Variants in PCDHGC5 observed in about 807,000 individuals in gnomAD.
PCDHGC5 encodes protocadherin gamma subfamily C, 5.
Under a neutral mutation model 59.0 loss-of-function variants are expected in PCDHGC5, and 25 were observed. The ratio of observed to expected loss-of-function variants is 0.42; its 90% CI spans 0.31 to 0.59. The LOEUF (loss-of-function observed/expected upper bound fraction) is 0.59, where lower values mean the gene tolerates loss of function less well. Ranked by LOEUF, PCDHGC5 falls within the 20% of genes least tolerant of loss-of-function variation. The pLI is 0.13. For missense variants in PCDHGC5, 1,067 were observed against 1,206.4 expected, an observed-to-expected ratio of 0.88 and a Z score of 1.71; for synonymous variants, 434 against 505.5, an observed-to-expected ratio of 0.86 and a Z score of 1.90.
chr5:141,501,970 T>C (rs2099812082), intron 2 of PCDHGC5, among the ~76,000 whole-genome samples: 1 of 152,068 alleles, frequency 6.6e-6, no homozygotes. Flanking sequence ...TCCTAACCTC[T>C]GGCATCTGGT....
At position 141,512,630 on chromosome 5, in the gene PCDHGC5, G is replaced by C. The variant is rs1335322474; in HGVS notation, c.*1457G>C. On this transcript the variant is annotated 3_prime_UTR_variant, in exon 4 of 4. Transcript: ENST00000252087. ...GGGGCTGCCAGAGAACCCCAGACCT[G>C]CCCTTACAGTAGTGTAGCGCCCCCT... The C allele has an allele frequency of 6.5e-6, 1 of 152,888 alleles. No individual in the cohort carries two copies. Among genetic ancestry groups the C allele is most frequent in the Non-Finnish European group, 1.5e-5 (1 of 68,576 alleles). 9.5% of individuals were successfully genotyped at this position (152,888 alleles called of 1,614,324 possible).
In PCDHGC5 at chr5:141,490,390, G is replaced by C. The variant is rs2099699651; in HGVS notation, c.1150G>C (p.Glu384Gln). The C allele has an allele frequency of 6.2e-7, 1 of 1,614,074 alleles. No individual in the cohort carries two copies. The highest frequency in any genetic ancestry group is 8.5e-7 in the Non-Finnish European group (1 of 1,180,040). Residue 384 changes from glutamate (E) to glutamine (Q), a missense_variant, in exon 1 of 4, where the codon GAA becomes CAA. Physicochemically the swap from Glu to Gln is conservative, Grantham distance 29. Coordinates refer to ENST00000252087, the MANE Select transcript of PCDHGC5 (RefSeq NM_018929.3). This position sits in a 1 kb window ranked among gnomAD's most constrained non-coding sequence, Gnocchi z 5.4. ...VRDRDSGRNGEVSLDISPDLP... is the reference protein window; with the variant it reads ...VRDRDSGRNGQVSLDISPDLP... ...AGACCGGGACTCAGGTAGAAATGGT[G>C]AAGTGAGCCTTGATATCTCTCCGGA... is the stretch of plus-strand genomic sequence containing the variant.
Position 141,491,670 on chromosome 5 carries a change from C to T in PCDHGC5, c.2430C>T (p.Ser810=). The T allele has an allele frequency of 2.5e-6, 4 of 1,613,768 alleles. No individual in the cohort carries two copies. Among genetic ancestry groups the T allele is most frequent in the South Asian group, 1.1e-5 (1 of 91,082 alleles). Residue 810 remains serine (S), a synonymous_variant, in exon 1 of 4, where the codon TCC becomes TCT. Coordinates refer to ENST00000252087, the MANE Select transcript of PCDHGC5 (RefSeq NM_018929.3). The surrounding 1 kb of genome is among the most constrained non-coding windows in gnomAD (Gnocchi z 6.9). ...CGCTGGAGCCTGACGCCATCCGGTC[C>T]CGCTCTAATACGCTGCGGGAGCGGA... The part of the protein sequence containing the change: ...ALALEPDAIR[S]RSNTLRERSQ...
At position 141,490,938 on chromosome 5, in the gene PCDHGC5, C is replaced by T. The variant is rs2099706179; in HGVS notation, c.1698C>T (p.His566=). ...ATGATAATGCCCCAGCTGTGCTGCA[C>T]CCACGGCCAGACTGGGAACACTCAG... ...DENDNAPAVL[H]PRPDWEHSAP... The change falls in exon 1 of 4, where the codon CAC becomes CAT. Residue 566 remains histidine (H), a synonymous_variant. Coordinates refer to ENST00000252087, the MANE Select transcript of PCDHGC5 (RefSeq NM_018929.3). This position sits in a 1 kb window ranked among gnomAD's most constrained non-coding sequence, Gnocchi z 5.4. 6.2e-7 allele frequency: 1 copy of T among 1,613,554 alleles called. No homozygotes were observed. Among genetic ancestry groups the T allele is most frequent in the African/African-American group, 1.3e-5 (1 of 74,934 alleles).
At position 141,491,413 on chromosome 5, in the gene PCDHGC5, G is replaced by A. The variant is rs1193417991; in HGVS notation, c.2173G>A (p.Gly725Arg). 5.6e-6 allele frequency: 9 copies of A among 1,613,946 alleles called. No individual in the cohort carries two copies. Among genetic ancestry groups the A allele is most frequent in the Non-Finnish European group, 7.6e-6 (9 of 1,179,986 alleles). Residue 725 changes from glycine to arginine, a missense_variant, in exon 1 of 4, where the codon GGG becomes AGG. By Grantham distance (125) the Gly-to-Arg change is moderately radical. Transcript: ENST00000252087. The surrounding 1 kb of genome is among the most constrained non-coding windows in gnomAD (Gnocchi z 6.9). Reference sequence around the variant, plus strand: ...CCTTCAGGGAAACGCAGACGGGGACGGGGGTGGAGGGCAGTGCTGCAGGCG... The same window carrying A: ...CCTTCAGGGAAACGCAGACGGGGACAGGGGTGGAGGGCAGTGCTGCAGGCG... ...KCLQGNADGD[G>R]GGGQCCRRQD...
intron 1 of PCDHGC5, among the ~76,000 whole-genome samples, chr5:141,492,108 C>T (rs1331001233): frequency 2.6e-5 from 4 of 152,232 alleles, no homozygotes; most frequent in African/African-American, 9.6e-5. Flanking sequence ...TAGATTTCCT[C>T]TTCGATTTCT....
chr5:141,492,557 G>A (rs2154587614), intron 1 of PCDHGC5, among the ~76,000 whole-genome samples: 1 of 152,350 alleles, frequency 6.6e-6, no homozygotes, highest in East Asian at 1.9e-4. Flanking sequence ...TCGCCTGGGG[G>A]GCGGCCTGAG....
At chr5:141,508,535 C>CA (rs1426956469) in intron 3 of PCDHGC5, among the ~76,000 whole-genome samples, 1 of 152,172 alleles carries the variant, frequency 6.6e-6, no homozygotes, top group Admixed American at 6.5e-5. Flanking sequence ...GGGCACCCCC[C>CA]ACGAGGTGGG....
At chr5:141,497,742 T>C (rs2099779149) in intron 2 of PCDHGC5, among the ~76,000 whole-genome samples, 1 of 152,128 alleles carries the variant, frequency 6.6e-6, no homozygotes, top group South Asian at 2.1e-4. Context: ...TTTCGCCACG[T>C]TGGCCAGGCT....
chr5:141,506,372 C>A (rs1243713695), intron 3 of PCDHGC5, among the ~76,000 whole-genome samples: 1 of 151,402 alleles, frequency 6.6e-6, no homozygotes, highest in Non-Finnish European at 1.5e-5. Context: ...TCGCTTGAAC[C>A]TGGGAGGTGG....
At position 141,490,979 on chromosome 5, in the gene PCDHGC5, C is replaced by T. The variant is rs1217345302; in HGVS notation, c.1739C>T (p.Pro580Leu). 6.2e-7 allele frequency: 1 copy of T among 1,614,086 alleles called. No individual in the cohort carries two copies. The highest frequency in any genetic ancestry group is 8.5e-7 in the Non-Finnish European group (1 of 1,180,014). ...GAACACTCAGCCCCCCAGCGTCTCC[C>T]TCGCTCTGCTCCTCCTGGCTCCTTG... Reference protein sequence around the residue: ...DWEHSAPQRLPRSAPPGSLVT... With the variant: ...DWEHSAPQRLLRSAPPGSLVT... The change falls in exon 1 of 4, where the codon CCT becomes CTT. Residue 580 changes from proline to leucine, a missense_variant. Transcript: ENST00000252087. This position sits in a 1 kb window ranked among gnomAD's most constrained non-coding sequence, Gnocchi z 5.4.
intron 3 of PCDHGC5, among the ~76,000 whole-genome samples, chr5:141,510,624 A>C (rs2099881973): frequency 6.6e-6 from 1 of 152,164 alleles, no homozygotes; most frequent in African/African-American, 2.4e-5. Flanking sequence ...TAAAACCAGA[A>C]GAGGTGGTTA....
Position 141,491,739 on chromosome 5 carries a change from C to A in PCDHGC5, c.2460+39C>A, listed in dbSNP as rs372183034. ...CGCCGCCCCGGGCGACCCCTGGGGG[C>A]GGCACTGGAGAAGCCGCCCGTCCTC... On this transcript the variant is annotated intron_variant, in intron 1 of 3. Transcript: ENST00000252087. The surrounding 1 kb of genome is among the most constrained non-coding windows in gnomAD (Gnocchi z 6.9). 2 of 1,598,886 alleles carry A rather than the reference C, an allele frequency of 1.3e-6. No individual in the cohort carries two copies. The highest frequency in any genetic ancestry group is 1.3e-5 in the African/African-American group (1 of 74,290).
chr5:141,507,075 C>T (rs1006779614), intron 3 of PCDHGC5: 25 of 152,176 alleles, frequency 1.6e-4, no homozygotes, highest in Admixed American at 1.1e-3. Context: ...CCTGGCTCAA[C>T]TCCTAAGTTT....
intron 3 of PCDHGC5, among the ~76,000 whole-genome samples, chr5:141,507,645 G>A (rs565235954): frequency 6.6e-6 from 1 of 152,382 alleles, no homozygotes; most frequent in South Asian, 2.1e-4. Flanking sequence ...CTGAGGCCAG[G>A]AAGCAGCTTT....
Position 141,493,775 on chromosome 5 carries a change from G to A in PCDHGC5, c.2461-1032G>A, listed in dbSNP as rs1434978072. ...CCTTGAGTGAGCCACTGGCAGTTCCGGAGCTTCCTTCTCCCTGGAGTAATC... is the reference window on the plus strand; with the variant it reads ...CCTTGAGTGAGCCACTGGCAGTTCCAGAGCTTCCTTCTCCCTGGAGTAATC... On this transcript the variant is annotated intron_variant, in intron 1 of 3. Coordinates refer to ENST00000252087, the MANE Select transcript of PCDHGC5 (RefSeq NM_018929.3). The surrounding 1 kb of genome is among the most constrained non-coding windows in gnomAD (Gnocchi z 4.3). Among the ~76,000 whole-genome samples, 1 of 152,094 alleles carries A rather than the reference G, an allele frequency of 6.6e-6. No individual in the cohort carries two copies. The highest frequency in any genetic ancestry group is 6.5e-5 in the Admixed American group (1 of 15,272).
In PCDHGC5 at chr5:141,491,534, G is replaced by A. The variant is rs376996144; in HGVS notation, c.2294G>A (p.Arg765Gln). Residue 765 changes from arginine to glutamine, a missense_variant, in exon 1 of 4, where the codon CGG (arginine) becomes CAG (glutamine). Physicochemically the swap from Arg to Gln is conservative, Grantham distance 43. Coordinates refer to ENST00000252087, the MANE Select transcript of PCDHGC5 (RefSeq NM_018929.3). This position sits in a 1 kb window ranked among gnomAD's most constrained non-coding sequence, Gnocchi z 6.9. ...GTLKYMEVTL[R>Q]PTDSQSHCYR... The stretch of plus-strand genomic sequence containing the variant: ...CTCAAGTACATGGAGGTGACGCTGC[G>A]GCCCACAGACTCGCAGAGCCACTGC... The A allele has an allele frequency of 6.2e-7, 1 of 1,614,030 alleles. No homozygotes were observed. The highest frequency in any genetic ancestry group is 8.5e-7 in the Non-Finnish European group (1 of 1,180,028).
In PCDHGC5 at chr5:141,489,152, A is replaced by C; in HGVS notation, c.-89A>C. The C allele has an allele frequency of 2.1e-6, 2 of 960,350 alleles. No individual in the cohort carries two copies. Among genetic ancestry groups the C allele is most frequent in the Non-Finnish European group, 3.1e-6 (2 of 640,552 alleles). 59.5% of individuals were successfully genotyped at this position (960,350 alleles called of 1,614,324 possible). A position where few individuals can be genotyped will look rare whatever the true frequency, so the allele number is the denominator to read the frequency against. On this transcript the variant is annotated 5_prime_UTR_variant, in exon 1 of 4. Transcript: ENST00000252087. This position sits in a 1 kb window ranked among gnomAD's most constrained non-coding sequence, Gnocchi z 4.5. The stretch of plus-strand genomic sequence containing the variant: ...TTTTAAGAGGCTGGAAGGAGACATA[A>C]GAGACTTCAGCTGCTGCATTCCAAG...
intron 3 of PCDHGC5, among the ~76,000 whole-genome samples, chr5:141,508,943 CAG>C (rs1562237475): frequency 1.3e-5 from 2 of 151,982 alleles, no homozygotes; most frequent in Admixed American, 6.6e-5. Context: ...TTAGGGAAAA[CAG>C]AGAAATGTCA....
Sources: gnomAD v4.1 joint callset for allele counts (sites outside exome capture counted in the v4.1 genomes callset) on GRCh38, gnomAD v4.1.1 for gene constraint, Gnocchi (gnomAD v3.1) non-coding constraint, MANE v1.5 for transcripts, NCBI Gene and HGNC (gene_info 2026-07-23, HGNC 2026-07-21) for gene names.